Variants in UXT observed in about 807,000 individuals in gnomAD.
UXT encodes protein UXT.
For missense variants in UXT, 111 were observed against 132.7 expected (o/e 0.84, Z 0.80); for synonymous variants, 54 against 52.8 (o/e 1.02, Z -0.10).
chrX:47,653,583 C>T (rs1404497358), intron 4 of UXT, among the ~76,000 whole-genome samples: 1 of 112,216 alleles, frequency 8.9e-6, no homozygotes, highest in East Asian at 2.8e-4. Context: ...TTCTTAAAAT[C>T]ATGACTGTTC....
chrX:47,653,974 G>T, intron 4 of UXT: 1 of 442,204 alleles, frequency 2.3e-6, no homozygotes, highest in Non-Finnish European at 2.8e-6. Flanking sequence ...CAGCTCCTAA[G>T]GGACAATTTT....
At chrX:47,654,454 C>A (rs2058077739) in intron 4 of UXT, among the ~76,000 whole-genome samples, 1 of 110,974 alleles carries the variant, frequency 9.0e-6, no homozygotes, top group African/African-American at 3.3e-5. Context: ...GATCCACCCA[C>A]CTCGGCCTCC....
intron 4 of UXT, among the ~76,000 whole-genome samples, chrX:47,655,142 T>C (rs1292542554): frequency 9.1e-6 from 1 of 110,098 alleles, no homozygotes; most frequent in Non-Finnish European, 1.9e-5. Context: ...TAGTCGGGAG[T>C]GGTGGTGGGT....
At chrX:47,654,169 T>TACTAAA in intron 4 of UXT, 2 of 604,476 alleles carry the variant, frequency 3.3e-6, no homozygotes, top group Non-Finnish European at 4.0e-6. Flanking sequence ...TTACTACTGA[T>TACTAAA]TTAGTATGTA....
intron 1 of UXT, among the ~76,000 whole-genome samples, chrX:47,658,236 A>C (rs948835876): frequency 8.9e-6 from 1 of 111,741 alleles, no homozygotes; most frequent in African/African-American, 3.3e-5. Flanking sequence ...TTATACTCCC[A>C]ATACTGAACT....
chrX:47,651,860 T>A lies in UXT; in HGVS notation c.492A>T (p.Pro164=), dbSNP rs754976587. 2 of 1,210,132 alleles carry A rather than the reference T, an allele frequency of 1.7e-6. No homozygotes were observed. The highest frequency in any genetic ancestry group is 5.9e-5 in the East Asian group (2 of 33,793). ...GAAGAAGTCAATGGTGAGGCTTCTCTGGGAAATTCTGCAGGCCTTGTAGTT... is the reference window on the plus strand; with the variant it reads ...GAAGAAGTCAATGGTGAGGCTTCTCAGGGAAATTCTGCAGGCCTTGTAGTT... Residue 164 remains proline (P), a synonymous_variant, in exon 6 of 6, where the codon CCA becomes CCT. Transcript: ENST00000335890.
intron 4 of UXT, among the ~76,000 whole-genome samples, chrX:47,654,572 C>T (rs1057107030): frequency 2.7e-5 from 3 of 111,351 alleles, no homozygotes; most frequent in Admixed American, 9.6e-5. Context: ...CTTTCTGTGT[C>T]ATCAGGAAAG....
chrX:47,655,719 G>GC (rs1220951933), intron 4 of UXT, among the ~76,000 whole-genome samples: 4 of 111,607 alleles, frequency 3.6e-5, no homozygotes, highest in Admixed American at 9.4e-5. Context: ...TCGCCAGATA[G>GC]CCCCATGGCT....
rs57228590 is a variant in UXT, at chrX:47,657,004, A to AT, written c.392+178dup. 1,274 of 432,453 alleles carry AT rather than the reference A, an allele frequency of 2.9e-3. 21 individuals are homozygous for AT. Among genetic ancestry groups the AT allele is most frequent in the African/African-American group, 0.028 (1,123 of 40,311 alleles). 35.6% of individuals were successfully genotyped at this position (432,453 alleles called of 1,213,427 possible). ...TGCGTGAATGAACAATACAAAGATCATTTTTTGAGTGCTTATTATGTGCTA... is the reference window on the plus strand; with the variant it reads ...TGCGTGAATGAACAATACAAAGATCATTTTTTTGAGTGCTTATTATGTGCTA... On this transcript the variant is annotated intron_variant, in intron 4 of 5. Coordinates refer to ENST00000335890, the MANE Select transcript of UXT (RefSeq NM_153477.3).
intron 4 of UXT, among the ~76,000 whole-genome samples, chrX:47,654,966 A>C (rs1262703870): frequency 1.8e-5 from 2 of 112,373 alleles, no homozygotes; most frequent in Non-Finnish European, 3.8e-5. Flanking sequence ...CTGTGACATA[A>C]CAAGGAAAGC....
intron 4 of UXT, among the ~76,000 whole-genome samples, chrX:47,655,408 G>C (rs776536477): frequency 1.1e-4 from 12 of 112,303 alleles, no homozygotes; most frequent in Non-Finnish European, 1.7e-4. Flanking sequence ...CAGCAGGTCT[G>C]AGGTTCTTTT....
At chrX:47,658,623 C>T (rs958073351) in intron 1 of UXT, among the ~76,000 whole-genome samples, 23 of 112,521 alleles carry the variant, frequency 2.0e-4, no homozygotes, top group African/African-American at 6.8e-4. Context: ...ACATCGGAGG[C>T]CGCGCATGCG....
intron 4 of UXT, among the ~76,000 whole-genome samples, chrX:47,654,674 A>C: frequency 8.9e-6 from 1 of 112,302 alleles, no homozygotes; most frequent in Middle Eastern, 4.6e-3. Flanking sequence ...AAATGACCAG[A>C]AAGTTAGTTC....
intron 4 of UXT, among the ~76,000 whole-genome samples, chrX:47,652,608 A>G (rs1472210890): frequency 1.8e-5 from 2 of 112,272 alleles, no homozygotes; most frequent in East Asian, 5.5e-4. Context: ...GGCTATATGG[A>G]GGATGTGTTC....
intron 4 of UXT, among the ~76,000 whole-genome samples, chrX:47,654,267 C>T (rs1444518787): frequency 1.9e-5 from 2 of 103,104 alleles, no homozygotes; most frequent in African/African-American, 3.6e-5. Context: ...AGTGCAGTGG[C>T]GTGATCTCGG....
intron 1 of UXT, 124 bp from the exon 3 acceptor site, chrX:47,657,987 T>C: frequency 3.9e-6 from 2 of 510,962 alleles, no homozygotes; most frequent in Non-Finnish European, 2.9e-6. Context: ...GTGCATAAGT[T>C]AATTTTCGGC....
intron 1 of UXT, 133 bp downstream of exon 2, chrX:47,658,697 T>G: frequency 1.1e-6 from 1 of 928,367 alleles, no homozygotes; most frequent in East Asian, 3.8e-5. Flanking sequence ...TCGTCCCCAC[T>G]TCTCGCTCCA....
chrX:47,655,659 T>C (rs1433157932), intron 4 of UXT, among the ~76,000 whole-genome samples: 1 of 112,376 alleles, frequency 8.9e-6, no homozygotes, highest in Non-Finnish European at 1.9e-5. Context: ...CCTCTCTTGG[T>C]AGTTTCACTA....
At chrX:47,653,267 G>A (rs2058073617) in intron 4 of UXT, among the ~76,000 whole-genome samples, 1 of 111,973 alleles carries the variant, frequency 8.9e-6, no homozygotes, top group Non-Finnish European at 1.9e-5. Context: ...CAATAAGATA[G>A]GATGTTAAAT....
Sources: allele counts gnomAD v4.1 joint callset (sites outside exome capture counted in the v4.1 genomes callset), GRCh38; gene constraint gnomAD v4.1.1; transcripts MANE v1.5; gene names NCBI Gene and HGNC (gene_info 2026-07-23, HGNC 2026-07-21).